SEMA6D: variants seen among roughly 807,000 people sequenced by gnomAD.
SEMA6D encodes the protein semaphorin 6D.
SEMA6D carries 35 observed loss-of-function variants against 106.6 expected under a neutral mutation model. The observed-to-expected ratio is 0.33, with a 90% CI of 0.25 to 0.44. SEMA6D has a LOEUF of 0.44. Among genes scored for constraint, SEMA6D ranks in the 20% least tolerant of loss-of-function variants. The pLI, the probability that SEMA6D is intolerant of heterozygous loss-of-function variation, is 1.00. For missense variants in SEMA6D, 1,185 were observed against 1,345.9 expected, an observed-to-expected ratio of 0.88 and a Z score of 1.87; for synonymous variants, 499 against 487.7, an observed-to-expected ratio of 1.02 and a Z score of -0.31.
chr15:47,560,220 A>T (rs2046036675), intron 3 of SEMA6D, among the ~76,000 whole-genome samples: 1 of 151,464 alleles, frequency 6.6e-6, no homozygotes, highest in Non-Finnish European at 1.5e-5. Context: ...ACAAAAAAAA[A>T]TGCAGTAAAT....
At chr15:47,750,401 A>T (rs2081364580) in intron 1 of SEMA6D, among the ~76,000 whole-genome samples, 1 of 152,092 alleles carries the variant, frequency 6.6e-6, no homozygotes, top group African/African-American at 2.4e-5. Context: ...ATCAGTCCAG[A>T]TTGGTGAAGT....
intron 4 of SEMA6D, among the ~76,000 whole-genome samples, chr15:47,658,632 C>T (rs2077853095): frequency 6.6e-6 from 1 of 152,142 alleles, no homozygotes; most frequent in Non-Finnish European, 1.5e-5. Flanking sequence ...CTTCCCCCCT[C>T]AACTAACATC....
At chr15:47,474,012 T>C (rs1454000752) in intron 3 of SEMA6D, among the ~76,000 whole-genome samples, 21 of 152,146 alleles carry the variant, frequency 1.4e-4, no homozygotes, top group Admixed American at 1.0e-3. Flanking sequence ...CTGGGAAGGC[T>C]GTCCACAGGC....
At chr15:47,756,723 C>A (rs1228836318) in intron 1 of SEMA6D, among the ~76,000 whole-genome samples, 1 of 152,084 alleles carries the variant, frequency 6.6e-6, no homozygotes, top group Non-Finnish European at 1.5e-5. Context: ...CCTGATATAT[C>A]TTCTTATGTA....
chr15:47,614,313 G>A (rs2076967513), intron 4 of SEMA6D, among the ~76,000 whole-genome samples: 1 of 152,212 alleles, frequency 6.6e-6, no homozygotes, highest in Non-Finnish European at 1.5e-5. Flanking sequence ...ACACTTAGGA[G>A]TTTTGTCAGC....
chr15:47,295,120 T>C (rs2035753961), intron 1 of SEMA6D, among the ~76,000 whole-genome samples: 1 of 152,186 alleles, frequency 6.6e-6, no homozygotes, highest in African/African-American at 2.4e-5. Context: ...TTTCACTAGC[T>C]GAAAGGCCTG....
At chr15:47,217,654 A>G (rs180715815) in intron 1 of SEMA6D, among the ~76,000 whole-genome samples, 1 of 151,694 alleles carries the variant, frequency 6.6e-6, no homozygotes, top group Admixed American at 6.6e-5. Context: ...TACAGACAAA[A>G]TTATAGGCAG....
Position 47,454,599 on chromosome 15 carries a change from G to GCGCACACACACACA in SEMA6D, c.-158-15874_-158-15873insGCACACACACACAC, listed in dbSNP as rs113699947. Among the ~76,000 whole-genome samples the GCGCACACACACACA allele has an allele frequency of 4.1e-3, 604 of 148,982 alleles. 2 individuals carry two copies. Among genetic ancestry groups the GCGCACACACACACA allele is most frequent in the African/African-American group, 0.014 (578 of 40,464 alleles). On this transcript the variant is annotated intron_variant, in intron 2 of 19. Transcript: ENST00000558014. ...GAGAGTTTACCATCCTTGCACATGT[G>GCGCACACACACACA]CACACACACACACACACACACACAC...
At chr15:47,292,478 T>G (rs374922788) in intron 1 of SEMA6D, among the ~76,000 whole-genome samples, 19 of 151,946 alleles carry the variant, frequency 1.3e-4, no homozygotes, top group East Asian at 1.2e-3. Flanking sequence ...GGCAATGCTT[T>G]CTTTTTTTTT....
intron 1 of SEMA6D, among the ~76,000 whole-genome samples, chr15:47,189,612 C>T (rs1893822422): frequency 6.6e-6 from 1 of 152,236 alleles, no homozygotes; most frequent in Non-Finnish European, 1.5e-5. Context: ...ATCTAACCAG[C>T]TACCTCTAGA....
chr15:47,391,903 A>G (rs530843120), intron 1 of SEMA6D, among the ~76,000 whole-genome samples: 2 of 152,002 alleles, frequency 1.3e-5, no homozygotes, highest in Non-Finnish European at 2.9e-5. Flanking sequence ...TTCCCTCAAT[A>G]TCTCTCTCTT....
intron 3 of SEMA6D, among the ~76,000 whole-genome samples, chr15:47,473,098 A>C (rs2042900553): frequency 6.6e-6 from 1 of 152,194 alleles, no homozygotes; most frequent in Admixed American, 6.5e-5. Context: ...TCTGAGGAAA[A>C]GAAAATGCTT....
intron 3 of SEMA6D, among the ~76,000 whole-genome samples, chr15:47,555,738 A>G (rs1227980162): frequency 6.6e-6 from 1 of 152,188 alleles, no homozygotes; most frequent in Non-Finnish European, 1.5e-5. Context: ...GATAATGATT[A>G]ATAGCACTGC....
intron 4 of SEMA6D, among the ~76,000 whole-genome samples, chr15:47,627,209 A>G (rs1374293344): frequency 6.6e-6 from 1 of 152,154 alleles, no homozygotes; most frequent in Non-Finnish European, 1.5e-5. Flanking sequence ...GGATAAGGAA[A>G]CAAAAGCCAG....
chr15:47,538,512 T>C (rs926172371), intron 3 of SEMA6D, among the ~76,000 whole-genome samples: 1 of 152,136 alleles, frequency 6.6e-6, no homozygotes, highest in Non-Finnish European at 1.5e-5. Flanking sequence ...ATATATCAAC[T>C]TCAGAGAAGC....
intron 4 of SEMA6D, among the ~76,000 whole-genome samples, chr15:47,665,038 C>G (rs2077997840): frequency 6.6e-6 from 1 of 152,014 alleles, no homozygotes; most frequent in African/African-American, 2.4e-5. Flanking sequence ...CCGAGAAGAT[C>G]CTCTTTTATA....
At chr15:47,543,763 A>G (rs896230409) in intron 3 of SEMA6D, among the ~76,000 whole-genome samples, 6 of 152,078 alleles carry the variant, frequency 3.9e-5, no homozygotes, top group African/African-American at 1.4e-4. Flanking sequence ...TTGGAGTGTT[A>G]TTTCATTCCC....
intron 2 of SEMA6D, among the ~76,000 whole-genome samples, chr15:47,425,737 A>G (rs530686960): frequency 1.3e-5 from 2 of 149,692 alleles, no homozygotes; most frequent in Admixed American, 1.3e-4. Flanking sequence ...GTGGCATGAT[A>G]TCAGCTCACT....
chr15:47,389,950 T>C (rs1267602547), intron 1 of SEMA6D, among the ~76,000 whole-genome samples: 1 of 152,214 alleles, frequency 6.6e-6, no homozygotes, highest in African/African-American at 2.4e-5. Flanking sequence ...TAAACATAAT[T>C]CATTTTCTAT....
Sources: gnomAD v4.1 joint callset for allele counts (sites outside exome capture counted in the v4.1 genomes callset) on GRCh38, gnomAD v4.1.1 for gene constraint, MANE v1.5 for transcripts, NCBI Gene and HGNC (gene_info 2026-07-23, HGNC 2026-07-21) for gene names.